DTX3L: variants seen among roughly 807,000 people sequenced by gnomAD.
DTX3L encodes the protein deltex E3 ubiquitin ligase 3L.
DTX3L carries 34 observed loss-of-function variants against 60.9 expected under a neutral mutation model. The observed-to-expected ratio is 0.56, with a 90% CI of 0.42 to 0.74. The LOEUF is 0.74. Among genes scored for constraint, DTX3L ranks in the 30% least tolerant of loss-of-function variants. DTX3L has a pLI of 0.00. For missense variants in DTX3L, 810 were observed against 874.0 expected (o/e 0.93, Z 0.92); for synonymous variants, 290 against 316.6 (o/e 0.92, Z 0.89).
At chr3:122,565,423 A>C (rs1378088965) in intron 1 of DTX3L, among the ~76,000 whole-genome samples, 1 of 150,834 alleles carries the variant, frequency 6.6e-6, no homozygotes, top group Non-Finnish European at 1.5e-5. Flanking sequence ...GAGGCAGGAG[A>C]ATCGCTGGAA....
chr3:122,571,720 G>A lies in DTX3L; in HGVS notation c.2196G>A (p.Glu732=), dbSNP rs567182339. The A allele has an allele frequency of 3.0e-5, 48 of 1,613,278 alleles. No homozygotes were observed. In the African/African-American group the frequency reaches 4.7e-4, roughly 16 times the overall value. ...CTTCTTACCTGAAACGTGTCAAAGA[G>A]GAGCTGAAAGCCAAAGGAATTGAGT... is the stretch of plus-strand genomic sequence containing the variant. The part of the protein sequence containing the change: ...PDPSYLKRVK[E]ELKAKGIE The change falls in exon 5 of 5, where the codon GAG becomes GAA. Residue 732 remains glutamate (E), a synonymous_variant. Coordinates refer to ENST00000296161, the MANE Select transcript of DTX3L (RefSeq NM_138287.3).
intron 2 of DTX3L, 140 bp downstream of exon 2, chr3:122,566,210 A>G (rs1321224024): frequency 7.0e-6 from 5 of 711,746 alleles, no homozygotes; most frequent in African/African-American, 3.6e-5. Flanking sequence ...ACAGAGATGA[A>G]TATAACAGAC....
Position 122,568,849 on chromosome 3 carries a change from A to G in DTX3L, c.760A>G (p.Ile254Val). Residue 254 changes from isoleucine to valine, a missense_variant, in exon 3 of 5, where the codon ATC becomes GTC. Coordinates refer to ENST00000296161, the MANE Select transcript of DTX3L (RefSeq NM_138287.3). ...CTTTAAATATATCTGTCCTGATAAA[A>G]TCAACTCAATAGAGAAAAGATTTGG... The part of the protein sequence containing the change: ...EYFKYICPDK[I>V]NSIEKRFGVN... 1.9e-6 allele frequency: 3 copies of G among 1,613,962 alleles called. No homozygotes were observed. In the East Asian group the frequency reaches 6.7e-5, roughly 36 times the overall value.
intron 1 of DTX3L, among the ~76,000 whole-genome samples, chr3:122,564,894 C>A (rs932540638): frequency 6.6e-6 from 1 of 152,220 alleles, no homozygotes; most frequent in African/African-American, 2.4e-5. Flanking sequence ...CAGCTGTCAT[C>A]TTCCTTCCCC....
In DTX3L at chr3:122,569,930, G is replaced by A; in HGVS notation, c.1841G>A (p.Ser614Asn). 1.9e-6 allele frequency: 3 copies of A among 1,614,136 alleles called. No individual in the cohort carries two copies. Among genetic ancestry groups the A allele is most frequent in the Non-Finnish European group, 2.5e-6 (3 of 1,180,008 alleles). The change falls in exon 3 of 5, where the codon AGC (serine) becomes AAC (asparagine). Residue 614 changes from serine to asparagine, a missense_variant. Transcript: ENST00000296161. ...CAGAAAGGAAATCAGCCAGAGGGAA[G>A]CATGGTTTTCACTGTTTCAAGAGAC... ...GIQKGNQPEG[S>N]MVFTVSRDSL...
chr3:122,570,869 T>C (rs1268403694), intron 4 of DTX3L, among the ~76,000 whole-genome samples, 197 bp downstream of exon 4: 1 of 152,190 alleles, frequency 6.6e-6, no homozygotes, highest in Non-Finnish European at 1.5e-5. Flanking sequence ...TAAAGTACTA[T>C]GGAGTTATTT....
At chr3:122,571,256 C>A (rs1000455364) in intron 4 of DTX3L, among the ~76,000 whole-genome samples, 3 of 93,382 alleles carry the variant, frequency 3.2e-5, no homozygotes, top group African/African-American at 1.2e-4. Context: ...GATTACGATG[C>A]CCCCCTAAAA....
Position 122,574,835 on chromosome 3 carries a change from G to C in DTX3L, c.*3088G>C, listed in dbSNP as rs1456383324. On this transcript the variant is annotated 3_prime_UTR_variant, in exon 5 of 5. Coordinates refer to ENST00000296161, the MANE Select transcript of DTX3L (RefSeq NM_138287.3). Reference sequence around the variant, plus strand: ...ACAGTATTCAAAGCAAATTTCCCCAGAGGAAATCCTATTGGAAGAACTTAA... The same window carrying C: ...ACAGTATTCAAAGCAAATTTCCCCACAGGAAATCCTATTGGAAGAACTTAA... 1 of 152,180 alleles carries C rather than the reference G, an allele frequency of 6.6e-6. No homozygotes were observed. The highest frequency in any genetic ancestry group is 1.9e-4 in the East Asian group (1 of 5,202). The allele number at this position is 152,180 out of a possible 1,614,324, so 9.4% of individuals were successfully genotyped here.
intron 2 of DTX3L, among the ~76,000 whole-genome samples, chr3:122,567,602 G>A (rs1203159869): frequency 2.0e-5 from 3 of 152,172 alleles, no homozygotes; most frequent in African/African-American, 7.2e-5. Flanking sequence ...GGGTTTAGAA[G>A]GGTCCACAAC....
In DTX3L at chr3:122,570,499, A is replaced by G. The variant is rs1399474990; in HGVS notation, c.1980A>G (p.Arg660=). The change falls in exon 4 of 5, where the codon CGA becomes CGG. Residue 660 remains arginine (R), a synonymous_variant. Coordinates refer to ENST00000296161, the MANE Select transcript of DTX3L (RefSeq NM_138287.3). ...GAAAGAGATACCCTGGAATACAGCG[A>G]ACTGCATACTTGCCTGATAATAAGG... The part of the protein sequence containing the change: ...NPGKRYPGIQ[R]TAYLPDNKEG... The G allele has an allele frequency of 1.2e-6, 2 of 1,614,174 alleles. No individual in the cohort carries two copies. Among genetic ancestry groups the G allele is most frequent in the Non-Finnish European group, 1.7e-6 (2 of 1,180,040 alleles).
In DTX3L at chr3:122,568,959, T is replaced by C. The variant is rs775417627; in HGVS notation, c.870T>C (p.Ala290=). The C allele has an allele frequency of 1.7e-5, 28 of 1,614,012 alleles. No homozygotes were observed. Among genetic ancestry groups the C allele is most frequent in the East Asian group, 6.7e-5 (3 of 44,900 alleles). The change falls in exon 3 of 5, where the codon GCT becomes GCC. Residue 290 remains alanine, a synonymous_variant. Coordinates refer to ENST00000296161, the MANE Select transcript of DTX3L (RefSeq NM_138287.3). ...TSSRSGDLEA[A]RESFASEFQK... Reference sequence around the variant, plus strand: ...GTCGATCAGGTGACCTGGAAGCAGCTCGTGAGTCTTTTGCTAGTGAATTTC... The same window carrying C: ...GTCGATCAGGTGACCTGGAAGCAGCCCGTGAGTCTTTTGCTAGTGAATTTC...
At position 122,570,648 on chromosome 3, in the gene DTX3L, C is replaced by T. The variant is rs375569305; in HGVS notation, c.2129C>T (p.Thr710Ile). The T allele has an allele frequency of 1.1e-5, 17 of 1,614,190 alleles. No individual in the cohort carries two copies. The highest frequency in any genetic ancestry group is 1.4e-5 in the Non-Finnish European group (16 of 1,180,024). ...VITWNDIHHK[T>I]SRFGGPEMYG... Reference sequence around the variant, plus strand: ...ACTTGGAATGATATTCACCACAAAACATCCCGGTTTGGAGGACCAGAAATG... The same window carrying T: ...ACTTGGAATGATATTCACCACAAAATATCCCGGTTTGGAGGACCAGAAATG... Residue 710 changes from threonine (T) to isoleucine (I), a missense_variant, in exon 4 of 5, where the codon ACA becomes ATA. Physicochemically the swap from Thr to Ile is moderately conservative, Grantham distance 89. Transcript: ENST00000296161.
chr3:122,570,435 A>C lies in DTX3L; in HGVS notation c.1936-20A>C. ...AGACAGGGCACTCTTTTCACATGAC[A>C]TTTTCTTGTTCTCACACAGGAAGAA... On this transcript the variant is annotated intron_variant, in intron 3 of 4. Transcript: ENST00000296161. 1 of 1,612,738 alleles carries C rather than the reference A, an allele frequency of 6.2e-7. No homozygotes were observed. Among genetic ancestry groups the C allele is most frequent in the Non-Finnish European group, 8.5e-7 (1 of 1,178,876 alleles).
intron 2 of DTX3L, among the ~76,000 whole-genome samples, chr3:122,567,684 T>C (rs2080601068): frequency 6.6e-6 from 1 of 152,080 alleles, no homozygotes; most frequent in South Asian, 2.1e-4. Context: ...AAAATAGTAA[T>C]AGGAAAAGCC....
intron 1 of DTX3L, among the ~76,000 whole-genome samples, chr3:122,565,535 A>AAGAAG (rs2080561789): frequency 7.2e-6 from 1 of 139,214 alleles, no homozygotes; most frequent in African/African-American, 2.6e-5. Flanking sequence ...AAAAAAAAAA[A>AAGAAG]GAAGGAAGGA....
At chr3:122,570,852 C>T (rs911719894) in intron 4 of DTX3L, among the ~76,000 whole-genome samples, 180 bp downstream of exon 4, 1 of 152,126 alleles carries the variant, frequency 6.6e-6, no homozygotes, top group Non-Finnish European at 1.5e-5. Context: ...TTCTACCCTG[C>T]CAGCTATAAA....
At chr3:122,567,669 G>A (rs1479787247) in intron 2 of DTX3L, among the ~76,000 whole-genome samples, 1 of 152,138 alleles carries the variant, frequency 6.6e-6, no homozygotes, top group Non-Finnish European at 1.5e-5. Flanking sequence ...GAGTGAAGAA[G>A]AGAAAAAATA....
rs945951351 is a variant in DTX3L, at chr3:122,572,440, A to C, written c.*693A>C. ...TTTCCCCTTCATCTCTACCTGTGAA[A>C]GTGAAATTCTATTGTAAATGGGAGG... On this transcript the variant is annotated 3_prime_UTR_variant, in exon 5 of 5. Transcript: ENST00000296161. The C allele has an allele frequency of 2.6e-5, 4 of 152,122 alleles. No homozygotes were observed. Among genetic ancestry groups the C allele is most frequent in the Non-Finnish European group, 4.4e-5 (3 of 68,040 alleles). 9.4% of individuals were successfully genotyped at this position (152,122 alleles called of 1,614,324 possible).
At position 122,564,464 on chromosome 3, in the gene DTX3L, T is replaced by C. The variant is rs2080510596; in HGVS notation, c.38T>C (p.Val13Ala). The change falls in exon 1 of 5, where the codon GTG (valine) becomes GCG (alanine). Residue 13 changes from valine to alanine, a missense_variant. By Grantham distance (64) the Val-to-Ala change is moderately conservative. Transcript: ENST00000296161. ...CTGCGCCCGCCGTCCCCGCTCCTCG[T>C]GCGGGTGTACAAGTCCGGCCCCCGA... is the stretch of plus-strand genomic sequence containing the variant. ...SHLRPPSPLL[V>A]RVYKSGPRVR... The C allele has an allele frequency of 6.2e-7, 1 of 1,612,210 alleles. No individual in the cohort carries two copies. The highest frequency in any genetic ancestry group is 8.5e-7 in the Non-Finnish European group (1 of 1,179,276).
Sources: allele counts gnomAD v4.1 joint callset (sites outside exome capture counted in the v4.1 genomes callset), GRCh38; gene constraint gnomAD v4.1.1; transcripts MANE v1.5; gene names NCBI Gene and HGNC (gene_info 2026-07-23, HGNC 2026-07-21).